ZNF331: variants seen among roughly 807,000 people sequenced by gnomAD.
ZNF331 encodes the protein zinc finger protein 331, also known as C2H2-like zinc finger protein rearranged in thyroid adenomas.
Under a neutral mutation model 7.0 loss-of-function variants are expected in ZNF331, and 2 were observed. The observed-to-expected ratio is 0.29, with a 90% CI of 0.12 to 0.90. The LOEUF (loss-of-function observed/expected upper bound fraction) is 0.90. Ranked by LOEUF, ZNF331 falls within the 40% of genes least tolerant of loss-of-function variation. The pLI is 0.58. For missense variants in ZNF331, 432 were observed against 587.7 expected (o/e 0.74, Z 2.74); for synonymous variants, 196 against 205.4 (o/e 0.95, Z 0.39).
chr19:53,523,194 C>T (rs2087153202), intron 2 of ZNF331: 1 of 151,708 alleles, frequency 6.6e-6, no homozygotes, highest in Non-Finnish European at 1.5e-5. Flanking sequence ...TTAAACTCTA[C>T]TCTCTTAGCA....
At position 53,552,555 on chromosome 19, in the gene ZNF331, C is replaced by CA. The variant is rs1225832704; in HGVS notation, c.-137-3280dup. On this transcript the variant is annotated intron_variant, in intron 2 of 5. Transcript: ENST00000449416. ...CAGCATAGCAAGACCCCGTCTCTACCAAAAAAAAAAGAAAAAAAATTACAA... is the reference window on the plus strand; with the variant it reads ...CAGCATAGCAAGACCCCGTCTCTACCAAAAAAAAAAAGAAAAAAAATTACAA... Among the ~76,000 whole-genome samples the CA allele has an allele frequency of 8.8e-3, 1,261 of 143,612 alleles. 21 individuals are homozygous for CA. Among genetic ancestry groups the CA allele is most frequent in the African/African-American group, 0.03 (1,180 of 39,124 alleles). 94.2% of individuals were successfully genotyped at this position (143,612 alleles called of 152,430 possible).
intron 2 of ZNF331, among the ~76,000 whole-genome samples, chr19:53,528,909 C>T (rs1368748671): frequency 1.3e-5 from 2 of 151,884 alleles, no homozygotes; most frequent in African/African-American, 2.4e-5. Flanking sequence ...CTCAGCCTCC[C>T]GAGTAGCTGG....
At chr19:53,556,258 A>C (rs891215119) in intron 3 of ZNF331, among the ~76,000 whole-genome samples, 2 of 151,674 alleles carry the variant, frequency 1.3e-5, no homozygotes, top group Non-Finnish European at 2.9e-5. Flanking sequence ...AAAAAAAAAA[A>C]AAAAGGAAAT....
intron 3 of ZNF331, among the ~76,000 whole-genome samples, chr19:53,561,350 A>C (rs1318182074): frequency 2.6e-5 from 4 of 151,868 alleles, no homozygotes; most frequent in Middle Eastern, 3.2e-3. Context: ...AAAAAAAAAA[A>C]AACAAATTAG....
intron 2 of ZNF331, among the ~76,000 whole-genome samples, chr19:53,547,816 G>T (rs1226057587): frequency 6.6e-6 from 1 of 152,096 alleles, no homozygotes; most frequent in Non-Finnish European, 1.5e-5. Context: ...ATAGCAATTT[G>T]TATGTGTTCT....
intron 3 of ZNF331, among the ~76,000 whole-genome samples, chr19:53,559,360 CAT>C (rs1405671710): frequency 7.4e-5 from 11 of 149,328 alleles, no homozygotes; most frequent in South Asian, 6.3e-4. Context: ...ACCATACACA[CAT>C]ATACACACAC....
At chr19:53,522,595 CT>C (rs1440342380) in intron 1 of ZNF331, 1 of 152,206 alleles carries the variant, frequency 6.6e-6, no homozygotes, top group Non-Finnish European at 1.5e-5. Context: ...TCATTCTTAT[CT>C]TCCTTTTCCC....
chr19:53,545,178 C>G (rs1180272735), intron 2 of ZNF331, among the ~76,000 whole-genome samples: 3 of 152,118 alleles, frequency 2.0e-5, no homozygotes, highest in Non-Finnish European at 4.4e-5. Flanking sequence ...TTCTTGATCG[C>G]TCTTTCACAT....
At chr19:53,562,817 A>G (rs1352033637) in intron 3 of ZNF331, among the ~76,000 whole-genome samples, 3 of 151,722 alleles carry the variant, frequency 2.0e-5, no homozygotes, top group East Asian at 3.9e-4. Flanking sequence ...GTGAAACCCC[A>G]TCTCTACTAA....
chr19:53,576,078 A>G (rs1302944503), intron 5 of ZNF331, among the ~76,000 whole-genome samples: 1 of 148,642 alleles, frequency 6.7e-6, no homozygotes, highest in Non-Finnish European at 1.5e-5. Flanking sequence ...TCTGCTTCCC[A>G]GGTTCAAGCA....
At chr19:53,517,523 T>A (rs192895278), upstream of ZNF331, among the ~76,000 whole-genome samples, 1 of 152,158 alleles carries the variant, frequency 6.6e-6, no homozygotes, top group African/African-American at 2.4e-5. Context: ...CCAAAGTTTC[T>A]ACCCACATCA....
chr19:53,516,207 T>G (rs141836300), upstream of ZNF331, among the ~76,000 whole-genome samples: 1,926 of 152,234 alleles, frequency 0.013, 18 homozygotes, highest in Non-Finnish European at 0.019. Flanking sequence ...CGCCAGCACT[T>G]TGGGAGGCCG....
At chr19:53,543,125 GA>G (rs79069448) in intron 2 of ZNF331, among the ~76,000 whole-genome samples, 6,977 of 150,926 alleles carry the variant, frequency 0.046, 208 homozygotes, top group East Asian at 0.13. Flanking sequence ...TTTACCATTA[GA>G]AAAAAAAGGA....
At chr19:53,575,625 C>T (rs1425569229) in intron 5 of ZNF331, among the ~76,000 whole-genome samples, 1 of 151,328 alleles carries the variant, frequency 6.6e-6, no homozygotes, top group Admixed American at 6.6e-5. Context: ...AGGCTCACAC[C>T]ACCATGCCTG....
At chr19:53,554,108 T>C (rs1199344806) in intron 2 of ZNF331, among the ~76,000 whole-genome samples, 1 of 152,064 alleles carries the variant, frequency 6.6e-6, no homozygotes, top group Non-Finnish European at 1.5e-5. Flanking sequence ...CCGAAGCCCC[T>C]GTGTGTTTGG....
At position 53,573,656 on chromosome 19, in the gene ZNF331, A is replaced by G. The variant is rs2090569663; in HGVS notation, c.136+1926A>G. Among the ~76,000 whole-genome samples the G allele has an allele frequency of 1.3e-5, 2 of 151,842 alleles. No individual in the cohort carries two copies. The highest frequency in any genetic ancestry group is 4.2e-4 in the South Asian group (2 of 4,808). On this transcript the variant is annotated intron_variant, in intron 5 of 5. Transcript: ENST00000449416. The surrounding 1 kb of genome is among the most constrained non-coding windows in gnomAD (Gnocchi z 4.2). ...CTAATTGTTGTGTTTTTTCTTAGAG[A>G]TGGGATTTCGCCATGTTGTCCAAGC...
chr19:53,525,781 T>C (rs1465615301), intron 2 of ZNF331, among the ~76,000 whole-genome samples: 2 of 152,214 alleles, frequency 1.3e-5, no homozygotes, highest in Admixed American at 6.5e-5. Context: ...TGATTGGCTT[T>C]TCTTTTTGTT....
At chr19:53,524,705 T>G (rs1030959044) in intron 2 of ZNF331, among the ~76,000 whole-genome samples, 1 of 152,168 alleles carries the variant, frequency 6.6e-6, no homozygotes, top group Non-Finnish European at 1.5e-5. Context: ...TTTCTCCCAT[T>G]CTGTAGGTTG....
chr19:53,547,284 A>T (rs1185169283), intron 2 of ZNF331, among the ~76,000 whole-genome samples: 1 of 152,134 alleles, frequency 6.6e-6, no homozygotes, highest in Non-Finnish European at 1.5e-5. Flanking sequence ...TAATGACATC[A>T]TGCAGGATTT....
Sources: allele counts gnomAD v4.1 joint callset (sites outside exome capture counted in the v4.1 genomes callset), GRCh38; gene constraint gnomAD v4.1.1; non-coding constraint Gnocchi (gnomAD v3.1); transcripts MANE v1.5; gene names NCBI Gene and HGNC (gene_info 2026-07-23, HGNC 2026-07-21).